Variants in CBY1 observed in about 807,000 individuals in gnomAD.
CBY1 encodes protein chibby homolog 1.
In CBY1, 10 loss-of-function variants were observed where a neutral mutation model predicts 15.6. That is an observed-to-expected ratio of 0.64 (90% CI 0.40 to 1.09). The LOEUF is 1.09. CBY1 is among the 50% of genes least tolerant of loss of function. The probability of loss-of-function intolerance (pLI) is 0.01; values close to 1 mark genes in which losing one functional copy is unlikely to be tolerated. For missense variants in CBY1, 150 were observed against 160.5 expected (o/e 0.93, Z 0.35); for synonymous variants, 61 against 63.5 (o/e 0.96, Z 0.19).
intron 1 of CBY1, chr22:38,667,763 C>T (rs1290640759): frequency 5.2e-6 from 2 of 384,482 alleles, no homozygotes; most frequent in Non-Finnish European, 9.4e-6. Context: ...GGAGCCCACG[C>T]CAGAGAAAAC....
chr22:38,656,981 A>C (rs1483208092), intron 1 of CBY1: 1 of 171,516 alleles, frequency 5.8e-6, no homozygotes, highest in East Asian at 1.9e-4. Context: ...ATTGCATGAG[A>C]TCGTGCGTGT....
At chr22:38,670,740 T>G (rs2092450053) in intron 2 of CBY1, 144 bp from the exon 3 acceptor site, 3 of 637,258 alleles carry the variant, frequency 4.7e-6, no homozygotes, top group Admixed American at 2.6e-5. Context: ...ATCATTTGAT[T>G]TTATGGCTTT....
intron 1 of CBY1, among the ~76,000 whole-genome samples, chr22:38,657,601 G>A (rs1008823039): frequency 1.3e-5 from 2 of 152,242 alleles, no homozygotes; most frequent in South Asian, 4.1e-4. Context: ...GACTTAAAAG[G>A]TAGCTAATCC....
At chr22:38,665,743 A>T (rs959885669) in intron 1 of CBY1, 62 of 1,227,134 alleles carry the variant, frequency 5.1e-5, no homozygotes, top group Non-Finnish European at 6.1e-5. Flanking sequence ...TGGTTTTAAA[A>T]AAATGTTTTG....
rs185880438 is a variant in CBY1, at chr22:38,672,473, G to A, written c.304-686G>A. Among the ~76,000 whole-genome samples the A allele has an allele frequency of 3.1e-3, 473 of 151,812 alleles. 2 individuals are homozygous for A. The highest frequency in any genetic ancestry group is 5.4e-3 in the Admixed American group (83 of 15,244). ...CCTCCTGATTAGCACCCGCCACCAC[G>A]CTTGGCTAATTTTTGCATTTTTAGT... On this transcript the variant is annotated intron_variant, in intron 4 of 4. Coordinates refer to ENST00000216029, the MANE Select transcript of CBY1 (RefSeq NM_015373.4).
intron 4 of CBY1, chr22:38,671,466 C>G: frequency 2.5e-6 from 1 of 404,594 alleles, no homozygotes; most frequent in South Asian, 2.8e-5. Flanking sequence ...GTCGGGAGAG[C>G]TTCCCAGAGG....
intron 1 of CBY1, among the ~76,000 whole-genome samples, chr22:38,657,537 G>A (rs2092403836): frequency 6.6e-6 from 1 of 152,224 alleles, no homozygotes; most frequent in African/African-American, 2.4e-5. Flanking sequence ...AAGTGCACGC[G>A]GATGCCCCAG....
Position 38,673,660 on chromosome 22 carries a change from G to C in CBY1, c.*424G>C, listed in dbSNP as rs1361129075. ...TACAGAGCTCTGTGTTGGGGTCATGGATGAGCGGCTCTCTTGGCTCTTAAA... is the reference window on the plus strand; with the variant it reads ...TACAGAGCTCTGTGTTGGGGTCATGCATGAGCGGCTCTCTTGGCTCTTAAA... On this transcript the variant is annotated 3_prime_UTR_variant, in exon 5 of 5. Coordinates refer to ENST00000216029, the MANE Select transcript of CBY1 (RefSeq NM_015373.4). 1 of 161,198 alleles carries C rather than the reference G, an allele frequency of 6.2e-6. No homozygotes were observed. Among genetic ancestry groups the C allele is most frequent in the Non-Finnish European group, 1.4e-5 (1 of 72,858 alleles). 10.0% of individuals were successfully genotyped at this position (161,198 alleles called of 1,614,324 possible).
At chr22:38,665,000 C>T (rs879494153) in intron 1 of CBY1, among the ~76,000 whole-genome samples, 1 of 152,122 alleles carries the variant, frequency 6.6e-6, no homozygotes, top group African/African-American at 2.4e-5. Flanking sequence ...TACACCACCA[C>T]GCCTGGCTGA....
At chr22:38,657,025 C>T in intron 1 of CBY1, 3 of 418,138 alleles carry the variant, frequency 7.2e-6, no homozygotes, top group Non-Finnish European at 9.6e-6. Context: ...TTGAGTCCGA[C>T]AGCCCTGGGG....
At chr22:38,662,027 C>T (rs2092423504) in intron 1 of CBY1, among the ~76,000 whole-genome samples, 2 of 151,846 alleles carry the variant, frequency 1.3e-5, no homozygotes, top group East Asian at 1.9e-4. Context: ...ATAGGCCAGG[C>T]GTGGTGGCTC....
Position 38,672,499 on chromosome 22 carries a change from A to G in CBY1, c.304-660A>G, listed in dbSNP as rs189384904. On this transcript the variant is annotated intron_variant, in intron 4 of 4. Coordinates refer to ENST00000216029, the MANE Select transcript of CBY1 (RefSeq NM_015373.4). ...CTTGGCTAATTTTTGCATTTTTAGT[A>G]GAGATGGGGTTTCACCATGTTGGCC... Among the ~76,000 whole-genome samples, 857 of 151,878 alleles carry G rather than the reference A, an allele frequency of 5.6e-3. 1 individual carries two copies. The highest frequency in any genetic ancestry group is 8.3e-3 in the Non-Finnish European group (565 of 67,944).
chr22:38,671,955 CT>C (rs1404563936), intron 4 of CBY1, among the ~76,000 whole-genome samples: 239 of 146,156 alleles, frequency 1.6e-3, no homozygotes, highest in Admixed American at 2.9e-3. Flanking sequence ...AAGATGCCAT[CT>C]TTTTTTTTTT....
intron 2 of CBY1, 45 bp from the exon 3 acceptor site, chr22:38,670,839 G>T: frequency 7.7e-7 from 1 of 1,299,342 alleles, no homozygotes; most frequent in East Asian, 2.3e-5. Flanking sequence ...GGATGAAGGC[G>T]TGTTCCGGGC....
Position 38,668,131 on chromosome 22 carries a change from CTG to C in CBY1, c.78+2_78+3del. On this transcript the variant is annotated splice_donor_variant and coding_sequence_variant, in exon 2 of 5. Transcript: ENST00000216029. LOFTEE classifies it high-confidence loss of function. ...TCGGCATCTCTCTCCAACCTGCATT[CTG>C]TGAGTGTCGGTACTGGGGTCGGCCG... 1 of 1,587,990 alleles carries C rather than the reference CTG, an allele frequency of 6.3e-7. No homozygotes were observed. Among genetic ancestry groups the C allele is most frequent in the Non-Finnish European group, 8.6e-7 (1 of 1,156,270 alleles).
At chr22:38,661,250 C>T (rs1334918124) in intron 1 of CBY1, among the ~76,000 whole-genome samples, 5 of 152,116 alleles carry the variant, frequency 3.3e-5, no homozygotes, top group Admixed American at 2.0e-4. Flanking sequence ...CTCGGCTCAC[C>T]GCAACCTCCG....
chr22:38,667,151 C>T (rs1244578328), intron 1 of CBY1, among the ~76,000 whole-genome samples: 2 of 151,862 alleles, frequency 1.3e-5, no homozygotes, highest in Non-Finnish European at 2.9e-5. Context: ...GCTGAGACTA[C>T]AGGCACGCAC....
chr22:38,663,863 AAC>A (rs1022025912), intron 1 of CBY1, among the ~76,000 whole-genome samples: 59 of 151,786 alleles, frequency 3.9e-4, no homozygotes, highest in African/African-American at 1.4e-3. Flanking sequence ...CTCTACTAAA[AAC>A]ACAAAAATTA....
At position 38,668,052 on chromosome 22, in the gene CBY1, A is replaced by C; in HGVS notation, c.-3A>C. On this transcript the variant is annotated 5_prime_UTR_variant, in exon 2 of 5. Transcript: ENST00000216029. ...CACTGGCTTTGCTTTCATCAGGCCA[A>C]AGATGCCTTTCTTTGGGAATACGTT... 6.2e-7 allele frequency: 1 copy of C among 1,613,926 alleles called. No homozygotes were observed. The highest frequency in any genetic ancestry group is 1.1e-5 in the South Asian group (1 of 91,062).
Sources: allele counts gnomAD v4.1 joint callset (sites outside exome capture counted in the v4.1 genomes callset), GRCh38; gene constraint gnomAD v4.1.1; transcripts MANE v1.5; gene names NCBI Gene and HGNC (gene_info 2026-07-23, HGNC 2026-07-21).